Variants in CNTNAP2 observed in about 807,000 individuals in gnomAD.
CNTNAP2 encodes contactin associated protein 2, also known as contactin-associated protein-like 2.
A neutral mutation model predicts 155.2 loss-of-function variants in CNTNAP2; 98 were observed. The ratio of observed to expected loss-of-function variants is 0.63; its 90% CI spans 0.54 to 0.75. CNTNAP2 has a LOEUF of 0.75. Among genes scored for constraint, CNTNAP2 ranks in the 30% least tolerant of loss-of-function variants. The probability of loss-of-function intolerance (pLI) is 0.00; values close to 1 mark genes in which losing one functional copy is unlikely to be tolerated. For missense variants in CNTNAP2, 1,727 were observed against 1,688.1 expected, an observed-to-expected ratio of 1.02 and a Z score of -0.40; for synonymous variants, 651 against 631.2, an observed-to-expected ratio of 1.03 and a Z score of -0.47.
intron 13 of CNTNAP2, among the ~76,000 whole-genome samples, chr7:147,786,536 C>A (rs889336384): frequency 9.2e-5 from 14 of 152,106 alleles, no homozygotes; most frequent in Non-Finnish European, 1.9e-4. Flanking sequence ...CTGGGGATGG[C>A]AGAGAGAGGC....
intron 18 of CNTNAP2, among the ~76,000 whole-genome samples, chr7:148,211,427 T>C (rs1343078754): frequency 2.0e-5 from 3 of 152,222 alleles, no homozygotes; most frequent in African/African-American, 7.2e-5. Flanking sequence ...CTTGAGCGAC[T>C]ACCTTGCTGA....
At chr7:147,469,586 T>A (rs1181660266) in intron 10 of CNTNAP2, among the ~76,000 whole-genome samples, 2 of 141,832 alleles carry the variant, frequency 1.4e-5, no homozygotes, top group Non-Finnish European at 3.0e-5. Context: ...TGGCGCGATC[T>A]CGGCTCACTG....
At chr7:147,782,143 A>G (rs951858375) in intron 13 of CNTNAP2, among the ~76,000 whole-genome samples, 1 of 152,220 alleles carries the variant, frequency 6.6e-6, no homozygotes, top group Non-Finnish European at 1.5e-5. Context: ...AAGATTATAG[A>G]CATCTATCTC....
intron 1 of CNTNAP2, among the ~76,000 whole-genome samples, chr7:146,434,811 T>G (rs1796219472): frequency 6.6e-6 from 1 of 151,498 alleles, no homozygotes. Flanking sequence ...TGTTTTATAC[T>G]TAATTCCTGG....
intron 1 of CNTNAP2, among the ~76,000 whole-genome samples, chr7:146,622,283 A>ATCTATCTATCTATC (rs1563160580): frequency 5.1e-4 from 55 of 106,870 alleles, no homozygotes; most frequent in East Asian, 2.8e-3. Flanking sequence ...ATCTATCTAT[A>ATCTATCTATCTATC]TATATATATG....
chr7:148,134,795 C>T (rs1223956753), intron 16 of CNTNAP2, among the ~76,000 whole-genome samples: 5 of 152,016 alleles, frequency 3.3e-5, no homozygotes, highest in African/African-American at 7.2e-5. Flanking sequence ...TATTGTTTAT[C>T]GTTGAATGAT....
chr7:146,732,991 A>G (rs1463483991), intron 1 of CNTNAP2, among the ~76,000 whole-genome samples: 4 of 152,148 alleles, frequency 2.6e-5, no homozygotes, highest in Admixed American at 1.3e-4. Context: ...CTGTGTATGT[A>G]TAAAAGAAAC....
At chr7:147,841,789 A>G (rs1478200488) in intron 13 of CNTNAP2, among the ~76,000 whole-genome samples, 2 of 152,188 alleles carry the variant, frequency 1.3e-5, no homozygotes, top group African/African-American at 4.8e-5. Context: ...ATATAAATGG[A>G]ATTTTTATGT....
intron 1 of CNTNAP2, among the ~76,000 whole-genome samples, chr7:146,273,211 G>A (rs1446443569): frequency 1.3e-5 from 2 of 148,698 alleles, no homozygotes; most frequent in Non-Finnish European, 3.0e-5. Context: ...AATGCGTCAC[G>A]TGCAAAAAAA....
chr7:147,377,668 C>T (rs1178176937), intron 9 of CNTNAP2, among the ~76,000 whole-genome samples: 3 of 151,540 alleles, frequency 2.0e-5, no homozygotes, highest in African/African-American at 7.2e-5. Flanking sequence ...TACCATCTTC[C>T]CTGTTTATTT....
intron 1 of CNTNAP2, among the ~76,000 whole-genome samples, chr7:146,275,633 A>G (rs959586568): frequency 3.3e-5 from 5 of 152,206 alleles, no homozygotes; most frequent in Non-Finnish European, 5.9e-5. Flanking sequence ...AATTGGCTAT[A>G]GATAAGAAAT....
chr7:146,488,311 C>CCCTT (rs147867725), intron 1 of CNTNAP2, among the ~76,000 whole-genome samples: 21,189 of 132,230 alleles, frequency 0.16, 2,609 homozygotes, highest in African/African-American at 0.33. Context: ...CTTCCTCCCT[C>CCCTT]CCTTCCTTCC....
intron 1 of CNTNAP2, among the ~76,000 whole-genome samples, chr7:146,435,520 G>A (rs552221107): frequency 6.6e-5 from 10 of 152,186 alleles, no homozygotes; most frequent in East Asian, 5.8e-4. Flanking sequence ...TTTTACATCC[G>A]TTAGTTATTT....
intron 1 of CNTNAP2, among the ~76,000 whole-genome samples, chr7:146,395,316 CA>C (rs1483187160): frequency 6.6e-6 from 1 of 152,092 alleles, no homozygotes; most frequent in East Asian, 1.9e-4. Flanking sequence ...CCAGGGAGTC[CA>C]ATGCCAGAGT....
rs1799971173 is a variant in CNTNAP2 at position 148,415,724 on chromosome 7, C to T, written c.*108C>T. ...CTTGAGCACATCCTTAAAATATCAG[C>T]ACAAGTTGGGGGAGGCAGGCAATGG... On this transcript the variant is annotated 3_prime_UTR_variant, in exon 24 of 24. Transcript: ENST00000361727. The T allele has an allele frequency of 7.8e-7, 1 of 1,277,966 alleles. No individual in the cohort carries two copies. Among genetic ancestry groups the T allele is most frequent in the African/African-American group, 1.5e-5 (1 of 68,288 alleles). The allele number at this position is 1,277,966 out of a possible 1,614,324, so 79.2% of individuals were successfully genotyped here.
intron 8 of CNTNAP2, among the ~76,000 whole-genome samples, chr7:147,189,496 A>C (rs1584781266): frequency 1.3e-5 from 2 of 152,292 alleles, no homozygotes; most frequent in South Asian, 4.1e-4. Context: ...GAAACATAAC[A>C]GGAAACATAT....
chr7:146,994,984 T>G (rs150629511), intron 3 of CNTNAP2, among the ~76,000 whole-genome samples: 2,398 of 152,166 alleles, frequency 0.016, 22 homozygotes, highest in South Asian at 0.027. Context: ...CATCTCCACA[T>G]TCTTCCCTCC....
intron 1 of CNTNAP2, among the ~76,000 whole-genome samples, chr7:146,670,253 G>A (rs1380311918): frequency 2.6e-5 from 4 of 152,028 alleles, no homozygotes; most frequent in Admixed American, 2.0e-4. Flanking sequence ...ATACTGCTTG[G>A]ACCAACCCCA....
At chr7:148,163,411 C>T in intron 17 of CNTNAP2, among the ~76,000 whole-genome samples, 1 of 152,142 alleles carries the variant, frequency 6.6e-6, no homozygotes, top group East Asian at 1.9e-4. Context: ...ATCCTGCCAC[C>T]ATAGCCTCTA....
Sources: allele counts gnomAD v4.1 joint callset (sites outside exome capture counted in the v4.1 genomes callset), GRCh38; gene constraint gnomAD v4.1.1; transcripts MANE v1.5; gene names NCBI Gene and HGNC (gene_info 2026-07-23, HGNC 2026-07-21).